SMAGP: variants seen among roughly 807,000 people sequenced by gnomAD.
SMAGP encodes small cell transmembrane and glycosylated protein.
Under a neutral mutation model 10.1 loss-of-function variants are expected in SMAGP, and 7 were observed. The observed-to-expected ratio is 0.70, with a 90% CI of 0.40 to 1.31. The LOEUF is 1.31. Among genes scored for constraint, SMAGP ranks in the 50% most tolerant of loss-of-function variants. The probability of loss-of-function intolerance (pLI) is 0.01; values close to 1 mark genes in which losing one functional copy is unlikely to be tolerated. For synonymous variants in SMAGP, 49 were observed against 47.2 expected (o/e 1.04, Z -0.16); for missense variants, 113 against 116.5 (o/e 0.97, Z 0.14).
intron 2 of SMAGP, among the ~76,000 whole-genome samples, chr12:51,264,462 C>G (rs1017254442): frequency 2.0e-5 from 3 of 152,000 alleles, no homozygotes; most frequent in African/African-American, 7.2e-5. Flanking sequence ...CCTATCTCTA[C>G]AAAAAATTTT....
intron 2 of SMAGP, among the ~76,000 whole-genome samples, chr12:51,257,893 T>C: frequency 6.6e-6 from 1 of 152,070 alleles, no homozygotes; most frequent in South Asian, 2.1e-4. Flanking sequence ...TTTGCACCTA[T>C]AATCCCAGCA....
chr12:51,269,355 G>C, intron 1 of SMAGP, 39 bp from the exon 2 acceptor site: 1 of 1,551,034 alleles, frequency 6.4e-7, no homozygotes, highest in Non-Finnish European at 8.9e-7. Context: ...GTAGCGGGTG[G>C]GCCCCTATGG....
chr12:51,247,492 G>A (rs946518916), intron 2 of SMAGP, among the ~76,000 whole-genome samples: 2 of 152,030 alleles, frequency 1.3e-5, no homozygotes, highest in Admixed American at 6.6e-5. Context: ...CCTGCTACGG[G>A]TTTATTTATC....
At chr12:51,267,632 C>T (rs1422163420) in intron 2 of SMAGP, among the ~76,000 whole-genome samples, 1 of 151,866 alleles carries the variant, frequency 6.6e-6, no homozygotes, top group Non-Finnish European at 1.5e-5. Flanking sequence ...TAGCTGGAAC[C>T]ACAGGTGTCT....
chr12:51,255,757 AG>A (rs1944879294), intron 2 of SMAGP, among the ~76,000 whole-genome samples: 1 of 152,142 alleles, frequency 6.6e-6, no homozygotes, highest in Non-Finnish European at 1.5e-5. Context: ...ATCTGCCAAA[AG>A]GTGTGCCTTT....
At chr12:51,250,595 C>A (rs202224539) in intron 2 of SMAGP, among the ~76,000 whole-genome samples, 1 of 151,224 alleles carries the variant, frequency 6.6e-6, no homozygotes, top group Non-Finnish European at 1.5e-5. Context: ...TGGCTCACTG[C>A]GGCCTCAACC....
chr12:51,253,880 C>T (rs1271417718), intron 2 of SMAGP, among the ~76,000 whole-genome samples: 1 of 151,834 alleles, frequency 6.6e-6, no homozygotes, highest in Non-Finnish European at 1.5e-5. Flanking sequence ...CACTCCAGCC[C>T]AGGCGAAAGA....
At chr12:51,257,161 G>A (rs1406248864) in intron 2 of SMAGP, among the ~76,000 whole-genome samples, 1 of 152,152 alleles carries the variant, frequency 6.6e-6, no homozygotes, top group East Asian at 1.9e-4. Context: ...TTTCTGATGG[G>A]AGAAATGCCA....
In SMAGP at chr12:51,248,318, T is replaced by C. The variant is rs533326015; in HGVS notation, c.35-1487A>G. 2.3e-4 allele frequency among the ~76,000 whole-genome samples: 34 copies of C among 150,528 alleles called. No individual in the cohort carries two copies. In the South Asian group the frequency reaches 5.5e-3, roughly 24 times the overall value. On this transcript the variant is annotated intron_variant, in intron 2 of 3. Coordinates refer to ENST00000603798, the MANE Select transcript of SMAGP (RefSeq NM_001031628.2). ...CCTCTCCCAAGGCCAGGCCAAACCTTTCTCTCTGGTCCCCTCTTTGTCTAG... is the reference window on the plus strand; with the variant it reads ...CCTCTCCCAAGGCCAGGCCAAACCTCTCTCTCTGGTCCCCTCTTTGTCTAG...
intron 2 of SMAGP, among the ~76,000 whole-genome samples, chr12:51,248,440 T>TCACA (rs1944804856): frequency 1.1e-4 from 4 of 37,742 alleles, no homozygotes; most frequent in African/African-American, 3.8e-4. Flanking sequence ...ACACACTCTC[T>TCACA]CTCTCTCTCT....
In SMAGP at chr12:51,245,612, A is replaced by C. The variant is rs1189157408; in HGVS notation, c.*329T>G. ...CAGAGTAGAGCAGCCAATGACCTTA[A>C]CTCAAAATCTTTTCTCTCCCTTCAA... On this transcript the variant is annotated 3_prime_UTR_variant, in exon 4 of 4. Coordinates refer to ENST00000603798, the MANE Select transcript of SMAGP (RefSeq NM_001031628.2). 7.8e-6 allele frequency: 2 copies of C among 256,680 alleles called. No individual in the cohort carries two copies. The highest frequency in any genetic ancestry group is 4.4e-5 in the African/African-American group (2 of 45,926). The allele number at this position is 256,680 out of a possible 1,614,324, so 15.9% of individuals were successfully genotyped here.
intron 2 of SMAGP, among the ~76,000 whole-genome samples, chr12:51,249,149 A>G (rs182838760): frequency 1.3e-5 from 2 of 152,152 alleles, no homozygotes; most frequent in African/African-American, 4.8e-5. Context: ...AGGGTGACGC[A>G]CCAGGGAGGG....
chr12:51,245,743 A>G lies in SMAGP; in HGVS notation c.*198T>C. ...CTCTAGTAAGAGGGCCTGGTTAAAG[A>G]TATCATAAACAGCTTTCTCCATGTC... On this transcript the variant is annotated 3_prime_UTR_variant, in exon 4 of 4. Coordinates refer to ENST00000603798, the MANE Select transcript of SMAGP (RefSeq NM_001031628.2). The G allele has an allele frequency of 1.8e-6, 1 of 561,882 alleles. No individual in the cohort carries two copies. The highest frequency in any genetic ancestry group is 3.1e-6 in the Non-Finnish European group (1 of 319,146). 34.8% of individuals were successfully genotyped at this position (561,882 alleles called of 1,614,324 possible).
intron 2 of SMAGP, among the ~76,000 whole-genome samples, chr12:51,247,890 A>G (rs548143200): frequency 6.6e-6 from 1 of 152,328 alleles, no homozygotes; most frequent in East Asian, 1.9e-4. Flanking sequence ...TGCACTTAGG[A>G]AAGTGTGCAG....
chr12:51,267,982 C>G (rs1276096491), intron 2 of SMAGP, among the ~76,000 whole-genome samples: 1 of 152,140 alleles, frequency 6.6e-6, no homozygotes, highest in African/African-American at 2.4e-5. Context: ...TATAGACCAA[C>G]CAAGGGTTTG....
chr12:51,248,573 C>T (rs1485476850), intron 2 of SMAGP, among the ~76,000 whole-genome samples: 1 of 152,076 alleles, frequency 6.6e-6, no homozygotes, highest in African/African-American at 2.4e-5. Flanking sequence ...CCTCAGGAAA[C>T]AGCATCTCTC....
At chr12:51,265,457 G>A (rs562650264) in intron 2 of SMAGP, among the ~76,000 whole-genome samples, 57 of 152,160 alleles carry the variant, frequency 3.7e-4, no homozygotes, top group Non-Finnish European at 7.5e-4. Flanking sequence ...CCAAAAGGTG[G>A]AAGCAACTCA....
Position 51,246,020 on chromosome 12 carries a change from G to T in SMAGP, c.215C>A (p.Thr72Lys). 3 of 1,613,940 alleles carry T rather than the reference G, an allele frequency of 1.9e-6. No homozygotes were observed. The highest frequency in any genetic ancestry group is 2.5e-6 in the Non-Finnish European group (3 of 1,179,856). The change falls in exon 4 of 4, where the codon ACA (threonine) becomes AAA (lysine). Residue 72 changes from threonine to lysine, a missense_variant. Physicochemically the swap from Thr to Lys is moderately conservative, Grantham distance 78 (BLOSUM62 -1). Transcript: ENST00000603798. ...NKGSYVTYEP[T>K]EGEPSAIVQM... ...GACGATGGCACTGGGCTCACCTTCTGTAGGTTCATAGGTGACGTAGCTGCC... is the reference window on the plus strand; with the variant it reads ...GACGATGGCACTGGGCTCACCTTCTTTAGGTTCATAGGTGACGTAGCTGCC...
At chr12:51,267,472 C>A (rs539375001) in intron 2 of SMAGP, among the ~76,000 whole-genome samples, 3 of 146,986 alleles carry the variant, frequency 2.0e-5, no homozygotes, top group Admixed American at 1.4e-4. Context: ...CTATTCCCCC[C>A]CCCCACTCCG....
Sources: allele counts gnomAD v4.1 joint callset (sites outside exome capture counted in the v4.1 genomes callset), GRCh38; gene constraint gnomAD v4.1.1; transcripts MANE v1.5; gene names NCBI Gene and HGNC (gene_info 2026-07-23, HGNC 2026-07-21).